The following SCN2A variants were observed in gnomAD, a reference collection of about 807,000 sequenced individuals.
SCN2A encodes sodium voltage-gated channel alpha subunit 2, also known as sodium channel protein type 2 subunit alpha.
A neutral mutation model predicts 188.7 loss-of-function variants in SCN2A; 20 were observed. That is an observed-to-expected ratio of 0.11 (90% CI 0.07 to 0.15). The LOEUF is 0.15. SCN2A is among the 10% of genes least tolerant of loss of function. The pLI is 1.00. For missense variants in SCN2A, 1,278 were observed against 2,445.0 expected (o/e 0.52, Z 10.07); for synonymous variants, 804 against 833.1 (o/e 0.97, Z 0.60).
chr2:165,369,763 A>G (rs1387096938), intron 19 of SCN2A, among the ~76,000 whole-genome samples: 1 of 152,106 alleles, frequency 6.6e-6, no homozygotes, highest in Non-Finnish European at 1.5e-5. Context: ...TCCCTGCTTT[A>G]TATCTGCATT....
At chr2:165,365,099 A>G (rs1261278084) in intron 17 of SCN2A, 44 bp from the exon 18 acceptor site, 4 of 1,569,618 alleles carry the variant, frequency 2.5e-6, no homozygotes. Flanking sequence ...TATTTAGATT[A>G]AAGAAAATAA....
intron 25 of SCN2A, among the ~76,000 whole-genome samples, chr2:165,383,339 T>G (rs978777047): frequency 1.3e-5 from 2 of 151,158 alleles, no homozygotes; most frequent in African/African-American, 2.4e-5. Flanking sequence ...ATAGCCAGAG[T>G]GGGATGAGAA....
chr2:165,365,844 T>C (rs757967558), intron 18 of SCN2A, among the ~76,000 whole-genome samples: 1 of 152,190 alleles, frequency 6.6e-6, no homozygotes, highest in Non-Finnish European at 1.5e-5. Flanking sequence ...TGGGGCAATA[T>C]GTCACTGGAG....
In SCN2A at chr2:165,370,431, G is replaced by A. The variant is rs1700965218; in HGVS notation, c.3849+132G>A. ...TATAAATTATGTTTCTCATTTCACA[G>A]TGAGAGGATGCCTCAAAACATTTTT... On this transcript the variant is annotated intron_variant, in intron 20 of 26. Transcript: ENST00000375437. The A allele has an allele frequency of 5.4e-6, 5 of 927,220 alleles. No individual in the cohort carries two copies. In the Admixed American group the frequency reaches 7.2e-5, roughly 13 times the overall value. The allele number at this position is 927,220 out of a possible 1,614,324, so 57.4% of individuals were successfully genotyped here.
intron 1 of SCN2A, among the ~76,000 whole-genome samples, chr2:165,282,287 C>T (rs1180320929): frequency 6.6e-6 from 1 of 152,056 alleles, no homozygotes; most frequent in African/African-American, 2.4e-5. Context: ...GTGGCAGGCT[C>T]ATGGGAAGGG....
intron 25 of SCN2A, among the ~76,000 whole-genome samples, chr2:165,382,448 TCCAA>T (rs1701652828): frequency 6.6e-6 from 1 of 151,998 alleles, no homozygotes; most frequent in East Asian, 1.9e-4. Context: ...ATAATCTGTG[TCCAA>T]CCAGCAGGAC....
Position 165,367,240 on chromosome 2 carries a change from T to C in SCN2A, c.3544T>C (p.Cys1182Arg). The change falls in exon 19 of 27, where the codon TGT (cysteine) becomes CGT (arginine). Residue 1182 changes from cysteine (C) to arginine (R), a missense_variant. Physicochemically the swap from Cys to Arg is radical, Grantham distance 180. This residue lies in a region of SCN2A where 228 missense variants were observed against 297.3 expected (regional missense o/e 0.77). Transcript: ENST00000375437. ...AGACTGTGTACGGAAGTTCAAGTGT[T>C]GTCAGATAAGCATAGAAGAAGGCAA... Reference protein sequence around the residue: ...TEDCVRKFKCCQISIEEGKGK... With the variant: ...TEDCVRKFKCRQISIEEGKGK... 1 of 1,614,154 alleles carries C rather than the reference T, an allele frequency of 6.2e-7. No homozygotes were observed. The highest frequency in any genetic ancestry group is 8.5e-7 in the Non-Finnish European group (1 of 1,180,018).
At chr2:165,316,251 G>A (rs970637551) in intron 11 of SCN2A, among the ~76,000 whole-genome samples, 1 of 152,080 alleles carries the variant, frequency 6.6e-6, no homozygotes, top group Non-Finnish European at 1.5e-5. Context: ...TCTAAAAGTA[G>A]CCAAAACTCT....
At chr2:165,306,507 TGTGTGTG>T (rs1697142799) in intron 3 of SCN2A, among the ~76,000 whole-genome samples, 1 of 644 alleles carries the variant, frequency 1.6e-3, no homozygotes, top group Admixed American at 0.056. Flanking sequence ...TGGTATTTTG[TGTGTGTG>T]TGTGTGTGTG....
intron 10 of SCN2A, among the ~76,000 whole-genome samples, chr2:165,314,546 A>T (rs1486972477): frequency 6.6e-6 from 1 of 152,216 alleles, no homozygotes; most frequent in Non-Finnish European, 1.5e-5. Flanking sequence ...AAATTATTTC[A>T]TTGAGTCTGG....
intron 1 of SCN2A, among the ~76,000 whole-genome samples, chr2:165,253,994 G>A (rs777002905): frequency 5.3e-5 from 8 of 151,712 alleles, no homozygotes; most frequent in Non-Finnish European, 7.4e-5. Context: ...TATTAATAGT[G>A]CAAATTTCCT....
intron 1 of SCN2A, among the ~76,000 whole-genome samples, chr2:165,261,070 A>G (rs1574457659): frequency 6.6e-6 from 1 of 152,194 alleles, no homozygotes; most frequent in South Asian, 2.1e-4. Context: ...ATGACACCTA[A>G]TACAATGTAA....
intron 17 of SCN2A, among the ~76,000 whole-genome samples, chr2:165,355,814 T>C (rs537319289): frequency 3.9e-5 from 6 of 152,010 alleles, no homozygotes; most frequent in Non-Finnish European, 8.8e-5. Flanking sequence ...GTGGCCAACA[T>C]GGTGAAACCC....
At chr2:165,336,841 T>G (rs933950415) in intron 14 of SCN2A, among the ~76,000 whole-genome samples, 1 of 152,038 alleles carries the variant, frequency 6.6e-6, no homozygotes, top group African/African-American at 2.4e-5. Flanking sequence ...CCTTTCATAA[T>G]GCTGTATTAA....
intron 7 of SCN2A, among the ~76,000 whole-genome samples, chr2:165,311,031 G>A (rs1383365194): frequency 6.6e-6 from 1 of 152,056 alleles, no homozygotes; most frequent in Non-Finnish European, 1.5e-5. Flanking sequence ...TCTGAAAATA[G>A]AGAAACCATT....
intron 1 of SCN2A, among the ~76,000 whole-genome samples, chr2:165,291,784 A>G (rs568086607): frequency 1.5e-4 from 22 of 151,700 alleles, no homozygotes; most frequent in East Asian, 3.9e-4. Flanking sequence ...CTGTACCACA[A>G]TGATAACCCT....
In SCN2A at chr2:165,323,470, C is replaced by G. The variant is rs530608927; in HGVS notation, c.1986C>G (p.Thr662=). 1.2e-6 allele frequency: 2 copies of G among 1,613,734 alleles called. No homozygotes were observed. Among genetic ancestry groups the G allele is most frequent in the South Asian group, 2.2e-5 (2 of 90,990 alleles). The change falls in exon 12 of 27, where the codon ACC becomes ACG. Residue 662 remains threonine, a synonymous_variant. Coordinates refer to ENST00000375437, the MANE Select transcript of SCN2A (RefSeq NM_001040142.2). The part of the protein sequence containing the change: ...GVVSLVGGPS[T]LTSAGQLLPE... Reference sequence around the variant, plus strand: ...TCTCCCTGGTCGGGGGCCCTTCTACCCTCACATCTGCTGGGCAGCTCCTAC... The same window carrying G: ...TCTCCCTGGTCGGGGGCCCTTCTACGCTCACATCTGCTGGGCAGCTCCTAC...
rs770481092 is a variant in SCN2A at position 165,327,002 on chromosome 2, C to T, written c.2149+18C>T. The T allele has an allele frequency of 1.4e-5, 23 of 1,613,326 alleles. No individual in the cohort carries two copies. The highest frequency in any genetic ancestry group is 4.0e-5 in the African/African-American group (3 of 74,862). ...CATGGAAGGTATGTTAAAAGTCCTGCGTCACAGTTACTTGGTGCTTTGGTA... is the reference window on the plus strand; with the variant it reads ...CATGGAAGGTATGTTAAAAGTCCTGTGTCACAGTTACTTGGTGCTTTGGTA... On this transcript the variant is annotated intron_variant, in intron 13 of 26. Coordinates refer to ENST00000375437, the MANE Select transcript of SCN2A (RefSeq NM_001040142.2).
chr2:165,338,678 A>G (rs1699146293), intron 14 of SCN2A, among the ~76,000 whole-genome samples: 1 of 152,206 alleles, frequency 6.6e-6, no homozygotes, highest in African/African-American at 2.4e-5. Flanking sequence ...AAATCTAGCA[A>G]TAGAGAAAAA....
Sources: allele counts gnomAD v4.1 joint callset (sites outside exome capture counted in the v4.1 genomes callset), GRCh38; gene constraint gnomAD v4.1.1; regional missense constraint gnomAD v4.1.1; transcripts MANE v1.5; gene names NCBI Gene and HGNC (gene_info 2026-07-23, HGNC 2026-07-21).